The following MED12L variants were observed in gnomAD, a reference collection of about 807,000 sequenced individuals.
The protein encoded by MED12L is mediator complex subunit 12L.
Under a neutral mutation model 281.3 loss-of-function variants are expected in MED12L, and 60 were observed. That is an observed-to-expected ratio of 0.21 (90% CI 0.17 to 0.26). The LOEUF is 0.26. Among genes scored for constraint, MED12L ranks in the 10% least tolerant of loss-of-function variants. The pLI is 1.00. For missense variants in MED12L, 2,146 were observed against 2,680.9 expected (o/e 0.80, Z 4.41); for synonymous variants, 974 against 987.2 (o/e 0.99, Z 0.25).
At chr3:151,289,126 T>C (rs546127222) in intron 16 of MED12L, among the ~76,000 whole-genome samples, 5 of 152,298 alleles carry the variant, frequency 3.3e-5, no homozygotes, top group African/African-American at 1.2e-4. Flanking sequence ...CACAGGCATA[T>C]GGAAATACAA....
intron 31 of MED12L, among the ~76,000 whole-genome samples, chr3:151,379,511 G>A (rs1213619686): frequency 1.3e-5 from 2 of 152,138 alleles, no homozygotes; most frequent in Non-Finnish European, 2.9e-5. Context: ...TGGATGCTGC[G>A]GGCTATGTTG....
intron 16 of MED12L, among the ~76,000 whole-genome samples, chr3:151,271,220 A>G (rs2149554816): frequency 6.6e-6 from 1 of 152,308 alleles, no homozygotes; most frequent in Non-Finnish European, 1.5e-5. Context: ...GATGCAAACA[A>G]ATAATTCACA....
At chr3:151,335,580 T>G (rs1374583130) in intron 16 of MED12L, among the ~76,000 whole-genome samples, 4 of 152,186 alleles carry the variant, frequency 2.6e-5, no homozygotes, top group African/African-American at 9.6e-5. Context: ...TTTTCACATC[T>G]GGACCTGAGT....
intron 11 of MED12L, among the ~76,000 whole-genome samples, chr3:151,175,963 G>T (rs765798676): frequency 6.6e-6 from 1 of 152,118 alleles, no homozygotes; most frequent in Non-Finnish European, 1.5e-5. Flanking sequence ...ATTGATTTTT[G>T]AATTTTGTGT....
chr3:151,365,138 G>A lies in MED12L; in HGVS notation c.3117G>A (p.Ala1039=), dbSNP rs563710687. ...TGGGCAAGATCCTCAGTGACAATGC[G>A]GCCAATCGCTACAGCTTTGTCTGCA... The part of the protein sequence containing the change: ...SMLGKILSDN[A]ANRYSFVCNT... Residue 1039 remains alanine (A), a synonymous_variant, in exon 22 of 45, where the codon GCG becomes GCA. Coordinates refer to ENST00000687756, the MANE Select transcript of MED12L (RefSeq NM_001393769.1). The A allele has an allele frequency of 3.8e-5, 62 of 1,613,992 alleles. No individual in the cohort carries two copies. Among genetic ancestry groups the A allele is most frequent in the Admixed American group, 1.3e-4 (8 of 59,990 alleles).
At chr3:151,125,775 A>G (rs1031912158) in intron 4 of MED12L, among the ~76,000 whole-genome samples, 2 of 152,166 alleles carry the variant, frequency 1.3e-5, no homozygotes, top group African/African-American at 4.8e-5. Context: ...TCCATGAGAG[A>G]TGTGCCTTGT....
At chr3:151,330,748 C>T (rs1750255185) in intron 16 of MED12L, among the ~76,000 whole-genome samples, 1 of 152,038 alleles carries the variant, frequency 6.6e-6, no homozygotes, top group Non-Finnish European at 1.5e-5. Flanking sequence ...GATTAGACTA[C>T]CCAATAACGG....
chr3:151,225,117 G>GC lies in MED12L; in HGVS notation c.2250+31455dup, dbSNP rs1298308812. 3.9e-5 allele frequency among the ~76,000 whole-genome samples: 6 copies of GC among 152,194 alleles called. No homozygotes were observed. The East Asian group carries it at 1.2e-3, about 29-fold the overall frequency. The stretch of plus-strand genomic sequence containing the variant: ...CCCTGCCTATTGGGCTTGCCTTTCT[G>GC]CCCCAGCACTGTGACTCCTTAGGGC... On this transcript the variant is annotated intron_variant, in intron 16 of 44. Coordinates refer to ENST00000687756, the MANE Select transcript of MED12L (RefSeq NM_001393769.1).
intron 27 of MED12L, 32 bp downstream of exon 27, chr3:151,372,798 G>A (rs1756349423): frequency 6.4e-7 from 1 of 1,561,170 alleles, no homozygotes; most frequent in African/African-American, 1.4e-5. Context: ...TTTACTTTGA[G>A]TACGTAACTC....
intron 17 of MED12L, among the ~76,000 whole-genome samples, chr3:151,354,033 T>C (rs1003899646): frequency 9.6e-5 from 14 of 145,312 alleles, no homozygotes; most frequent in Non-Finnish European, 1.7e-4. Flanking sequence ...CCCAGCTACT[T>C]GGGAGGCTGA....
At chr3:151,100,130 G>C (rs780135293) in intron 2 of MED12L, among the ~76,000 whole-genome samples, 6 of 152,216 alleles carry the variant, frequency 3.9e-5, no homozygotes, top group Non-Finnish European at 8.8e-5. Flanking sequence ...TGATAGCTTT[G>C]ACCTTGTTAT....
chr3:151,143,715 G>A (rs866596714), intron 5 of MED12L, among the ~76,000 whole-genome samples: 1 of 152,118 alleles, frequency 6.6e-6, no homozygotes, highest in African/African-American at 2.4e-5. Flanking sequence ...CCAGAGGAGT[G>A]CACAGAGGTG....
At chr3:151,199,444 A>C (rs1725208537) in intron 16 of MED12L, 1 of 1,451,112 alleles carries the variant, frequency 6.9e-7, no homozygotes, top group South Asian at 1.3e-5. Flanking sequence ...AAGACTCTGT[A>C]AAAGAAACAA....
rs757471862 is a variant in MED12L, at chr3:151,436,437, A to ATGTT, written c.*3639_*3642dup. 2.6e-4 allele frequency: 92 copies of ATGTT among 355,146 alleles called. No homozygotes were observed. Among genetic ancestry groups the ATGTT allele is most frequent in the African/African-American group, 4.9e-4 (23 of 47,312 alleles). 22.0% of individuals were successfully genotyped at this position (355,146 alleles called of 1,614,324 possible). A position where few individuals can be genotyped will look rare whatever the true frequency, so the allele number is the denominator to read the frequency against. On this transcript the variant is annotated 3_prime_UTR_variant, in exon 45 of 45. Coordinates refer to ENST00000687756, the MANE Select transcript of MED12L (RefSeq NM_001393769.1). The stretch of plus-strand genomic sequence containing the variant: ...TGTTATTTTATAGTGAACCGTTTCA[A>ATGTT]TGTTTGTTTATTGTTATTTGTTGGC...
chr3:151,193,381 T>A (rs909240313), intron 15 of MED12L, 109 bp from the exon 16 acceptor site: 1 of 748,372 alleles, frequency 1.3e-6, no homozygotes, highest in Non-Finnish European at 2.1e-6. Context: ...AGTGGTTAAG[T>A]AGGAAAAGGT....
At chr3:151,174,401 T>C (rs1413229437) in intron 11 of MED12L, among the ~76,000 whole-genome samples, 1 of 152,240 alleles carries the variant, frequency 6.6e-6, no homozygotes, top group Non-Finnish European at 1.5e-5. Context: ...AATCATTTTT[T>C]GTTAAAGTGC....
chr3:151,287,148 A>C (rs1743620123), intron 16 of MED12L, among the ~76,000 whole-genome samples: 1 of 152,228 alleles, frequency 6.6e-6, no homozygotes. Flanking sequence ...GTCAATGTTA[A>C]AAGTTCTAGA....
chr3:151,191,179 A>G (rs1243000835), intron 14 of MED12L, among the ~76,000 whole-genome samples: 2 of 152,226 alleles, frequency 1.3e-5, no homozygotes, highest in African/African-American at 2.4e-5. Flanking sequence ...AACATTTTTC[A>G]TAGGATTGGA....
chr3:151,302,528 G>A (rs1325057008), intron 16 of MED12L, among the ~76,000 whole-genome samples: 5 of 152,210 alleles, frequency 3.3e-5, no homozygotes, highest in South Asian at 4.1e-4. Flanking sequence ...TAAATTAAGT[G>A]CTTTATAAAT....
Sources: allele counts gnomAD v4.1 joint callset (sites outside exome capture counted in the v4.1 genomes callset), GRCh38; gene constraint gnomAD v4.1.1; transcripts MANE v1.5; gene names NCBI Gene and HGNC (gene_info 2026-07-23, HGNC 2026-07-21).